The following SCAF8 variants were observed in gnomAD, a reference collection of about 807,000 sequenced individuals.
SCAF8 encodes SR-related CTD associated factor 8.
SCAF8 carries 23 observed loss-of-function variants against 140.5 expected under a neutral mutation model. That is an observed-to-expected ratio of 0.16 (90% CI 0.12 to 0.23). The LOEUF is 0.23. SCAF8 is among the 10% of genes least tolerant of loss of function. SCAF8 has a pLI of 1.00. For missense variants in SCAF8, 1,397 were observed against 1,555.7 expected (o/e 0.90, Z 1.72); for synonymous variants, 575 against 528.9 (o/e 1.09, Z -1.20).
At chr6:154,790,528 T>G (rs1198058617) in intron 4 of SCAF8, among the ~76,000 whole-genome samples, 7 of 94,040 alleles carry the variant, frequency 7.4e-5, no homozygotes, top group Non-Finnish European at 9.9e-5. Context: ...TTTTTTTTTT[T>G]GAGACGGAGT....
At chr6:154,757,820 C>G (rs917308033) in intron 1 of SCAF8, among the ~76,000 whole-genome samples, 3 of 152,026 alleles carry the variant, frequency 2.0e-5, no homozygotes, top group African/African-American at 7.2e-5. Flanking sequence ...ATAGCTCCAT[C>G]ATCTGTGTCA....
At chr6:154,818,455 T>G (rs1336117261) in intron 13 of SCAF8, 24 bp from the exon 14 acceptor site, 1 of 1,416,500 alleles carries the variant, frequency 7.1e-7, no homozygotes, top group Non-Finnish European at 9.8e-7. Flanking sequence ...TTATACCTTT[T>G]CTTAAAACAA....
intron 3 of SCAF8, among the ~76,000 whole-genome samples, chr6:154,783,989 C>T (rs1777160581): frequency 6.6e-6 from 1 of 151,858 alleles, no homozygotes; most frequent in African/African-American, 2.4e-5. Flanking sequence ...ATTGCTTGAA[C>T]CCACAAAGCA....
Position 154,834,195 on chromosome 6 carries a change from T to G in SCAF8, c.*800T>G, listed in dbSNP as rs1331610465. On this transcript the variant is annotated 3_prime_UTR_variant, in exon 20 of 20. Coordinates refer to ENST00000367178, the MANE Select transcript of SCAF8 (RefSeq NM_014892.5). The stretch of plus-strand genomic sequence containing the variant: ...TATGTGGTGGAAAAAGCATGTACTT[T>G]GATATAAAAATCATGCAGCCTCCTC... 6.6e-6 allele frequency: 1 copy of G among 152,228 alleles called. No individual in the cohort carries two copies. The highest frequency in any genetic ancestry group is 1.9e-4 in the East Asian group (1 of 5,202). 9.4% of individuals were successfully genotyped at this position (152,228 alleles called of 1,614,324 possible). A position where few individuals can be genotyped will look rare whatever the true frequency, so the allele number is the denominator to read the frequency against.
At chr6:154,770,417 C>G (rs1181624397) in intron 1 of SCAF8, among the ~76,000 whole-genome samples, 1 of 101,872 alleles carries the variant, frequency 9.8e-6, no homozygotes, top group African/African-American at 4.3e-5. Flanking sequence ...CTCTCTCTCT[C>G]TCTCTCTAGT....
chr6:154,763,545 T>C (rs1210776934), intron 1 of SCAF8, among the ~76,000 whole-genome samples: 1 of 152,178 alleles, frequency 6.6e-6, no homozygotes, highest in Non-Finnish European at 1.5e-5. Context: ...TTTAAGGTCA[T>C]AGTAGAATTC....
At chr6:154,817,383 C>T (rs191726594) in intron 13 of SCAF8, among the ~76,000 whole-genome samples, 8 of 152,280 alleles carry the variant, frequency 5.3e-5, no homozygotes, top group African/African-American at 7.2e-5. Context: ...TATCCCTCTC[C>T]TTTATTGTAT....
chr6:154,792,098 C>T (rs3800003), intron 4 of SCAF8, among the ~76,000 whole-genome samples: 35,164 of 151,772 alleles, frequency 0.23, 4,658 homozygotes, highest in East Asian at 0.64. Context: ...GATGATTCAT[C>T]GTTCTGAGGG....
intron 1 of SCAF8, among the ~76,000 whole-genome samples, chr6:154,768,693 C>T (rs1356288838): frequency 6.6e-6 from 1 of 152,164 alleles, no homozygotes; most frequent in Non-Finnish European, 1.5e-5. Context: ...TATTGCTAGG[C>T]TATGCAGTTC....
At chr6:154,824,697 C>G (rs1245431951) in intron 17 of SCAF8, among the ~76,000 whole-genome samples, 1 of 152,086 alleles carries the variant, frequency 6.6e-6, no homozygotes, top group East Asian at 1.9e-4. Flanking sequence ...AATCCCAGCA[C>G]TTAGGGAGGC....
chr6:154,788,072 C>A (rs1290145772), intron 4 of SCAF8, 50 bp downstream of exon 4: 4 of 1,465,930 alleles, frequency 2.7e-6, no homozygotes, highest in Admixed American at 4.1e-5. Context: ...GATACAGTAG[C>A]CTCTTGGTCT....
intron 13 of SCAF8, among the ~76,000 whole-genome samples, chr6:154,816,611 A>T (rs1296367438): frequency 6.6e-6 from 1 of 152,140 alleles, no homozygotes; most frequent in Non-Finnish European, 1.5e-5. Context: ...GGTAAACAGG[A>T]AGTATGAGGA....
intron 1 of SCAF8, among the ~76,000 whole-genome samples, chr6:154,745,231 A>G (rs563338285): frequency 3.9e-5 from 6 of 152,074 alleles, no homozygotes; most frequent in Non-Finnish European, 8.8e-5. Context: ...TTTAATATTG[A>G]TTTGCTGCTG....
At chr6:154,753,812 A>AT (rs1056343694) in intron 1 of SCAF8, among the ~76,000 whole-genome samples, 4 of 152,124 alleles carry the variant, frequency 2.6e-5, no homozygotes, top group East Asian at 1.9e-4. Context: ...TAATAGTTTG[A>AT]TTTTTTTCAC....
At chr6:154,759,316 A>G (rs1483430176) in intron 1 of SCAF8, among the ~76,000 whole-genome samples, 1 of 152,182 alleles carries the variant, frequency 6.6e-6, no homozygotes, top group Non-Finnish European at 1.5e-5. Context: ...TGTGTGTTGA[A>G]TTAAAGGACT....
At chr6:154,756,273 T>C (rs904135590) in intron 1 of SCAF8, among the ~76,000 whole-genome samples, 1 of 152,192 alleles carries the variant, frequency 6.6e-6, no homozygotes, top group African/African-American at 2.4e-5. Context: ...TTTGAATTAG[T>C]GTCTCTGCAG....
At chr6:154,816,528 C>T (rs888397102) in intron 13 of SCAF8, among the ~76,000 whole-genome samples, 7 of 152,124 alleles carry the variant, frequency 4.6e-5, no homozygotes, top group African/African-American at 1.4e-4. Context: ...TTTCTTCCTC[C>T]TGCTGTGTGG....
At position 154,794,943 on chromosome 6, in the gene SCAF8, T is replaced by G. The variant is rs1777555753; in HGVS notation, c.476-66T>G. 4 of 1,405,824 alleles carry G rather than the reference T, an allele frequency of 2.8e-6. No homozygotes were observed. In the African/African-American group the frequency reaches 5.8e-5, roughly 21 times the overall value. 87.1% of individuals were successfully genotyped at this position (1,405,824 alleles called of 1,614,324 possible). On this transcript the variant is annotated intron_variant, in intron 5 of 19. Transcript: ENST00000367178. ...ATAAAAGTAATAAAACAAGTTATTC[T>G]GCTTTTTCTAGTCTTAGTTACTTAC...
chr6:154,810,591 C>G (rs1220032399), intron 12 of SCAF8, among the ~76,000 whole-genome samples: 1 of 152,146 alleles, frequency 6.6e-6, no homozygotes, highest in East Asian at 1.9e-4. Flanking sequence ...TTAGCTATAT[C>G]TAATTTTTAA....
Sources: gnomAD v4.1 joint callset for allele counts (sites outside exome capture counted in the v4.1 genomes callset) on GRCh38, gnomAD v4.1.1 for gene constraint, MANE v1.5 for transcripts, NCBI Gene and HGNC (gene_info 2026-07-23, HGNC 2026-07-21) for gene names.